LRIF1: variants seen among roughly 807,000 people sequenced by gnomAD.
The protein encoded by LRIF1 is ligand dependent nuclear receptor interacting factor 1, also known as ligand-dependent nuclear receptor-interacting factor 1.
Under a neutral mutation model 52.7 loss-of-function variants are expected in LRIF1, and 32 were observed. The observed-to-expected ratio is 0.61, with a 90% CI of 0.46 to 0.82. The LOEUF (loss-of-function observed/expected upper bound fraction) is 0.82, where lower values mean the gene tolerates loss of function less well. LRIF1 is among the 40% of genes least tolerant of loss of function. The probability of loss-of-function intolerance (pLI) is 0.00; values close to 1 mark genes in which losing one functional copy is unlikely to be tolerated. For missense variants in LRIF1, 887 were observed against 892.0 expected (o/e 0.99, Z 0.07); for synonymous variants, 323 against 317.4 (o/e 1.02, Z -0.19).
chr1:110,893,286 C>A, the LRIF1 span, among the ~76,000 whole-genome samples: 1 of 152,090 alleles, frequency 6.6e-6, no homozygotes, highest in African/African-American at 2.4e-5. Context: ...CATTATGGTT[C>A]AACATTTTGG....
chr1:110,896,758 T>C, the LRIF1 span: 2 of 1,589,390 alleles, frequency 1.3e-6, no homozygotes, highest in Non-Finnish European at 1.7e-6. Context: ...AATGTTTCTG[T>C]TATTGACCTC....
the LRIF1 span, among the ~76,000 whole-genome samples, chr1:110,920,208 T>TTGAAAACC: frequency 7.2e-5 from 11 of 152,178 alleles, no homozygotes; most frequent in Non-Finnish European, 1.6e-4. Flanking sequence ...CCCAAAAGAA[T>TTGAAAACC]TGAAAACCTA....
At chr1:110,892,758 TA>T in the LRIF1 span, 1 of 476,492 alleles carries the variant, frequency 2.1e-6, no homozygotes, top group African/African-American at 2.0e-5. Flanking sequence ...TAGCCATTTT[TA>T]TATTGCTAAT....
chr1:110,938,562 A>G, the LRIF1 span: 1 of 152,352 alleles, frequency 6.6e-6, no homozygotes, highest in East Asian at 1.9e-4. Context: ...ACACTTCAAC[A>G]TTTAAAAAAG....
At chr1:110,945,661 A>G (rs1306107094), downstream of LRIF1, among the ~76,000 whole-genome samples, 1 of 152,200 alleles carries the variant, frequency 6.6e-6, no homozygotes, top group East Asian at 1.9e-4. Flanking sequence ...TCCTTACCTC[A>G]GGTGATCTGC....
chr1:110,904,794 A>G, the LRIF1 span, among the ~76,000 whole-genome samples: 172 of 152,330 alleles, frequency 1.1e-3, no homozygotes, highest in African/African-American at 3.9e-3. Flanking sequence ...AAAAAACTAA[A>G]GAAGGCAGCA....
chr1:110,886,144 A>T, the LRIF1 span, among the ~76,000 whole-genome samples: 1 of 151,802 alleles, frequency 6.6e-6, no homozygotes, highest in Admixed American at 6.6e-5. Flanking sequence ...TAGTATGACA[A>T]TTTTTTTTCT....
chr1:110,916,960 A>AT, the LRIF1 span, among the ~76,000 whole-genome samples: 1 of 152,246 alleles, frequency 6.6e-6, no homozygotes, highest in Non-Finnish European at 1.5e-5. Context: ...GCCACAAGAC[A>AT]TATTTTCACA....
At chr1:110,890,974 A>C in the LRIF1 span, among the ~76,000 whole-genome samples, 1 of 152,276 alleles carries the variant, frequency 6.6e-6, no homozygotes, top group Non-Finnish European at 1.5e-5. Flanking sequence ...GTATTTAAGA[A>C]ACTGGCTGAT....
the LRIF1 span, chr1:110,897,901 T>G: frequency 6.5e-7 from 1 of 1,534,386 alleles, no homozygotes; most frequent in Non-Finnish European, 9.0e-7. Context: ...AGGTAAGAGC[T>G]TAACCACAGG....
chr1:110,903,446 A>G, the LRIF1 span, among the ~76,000 whole-genome samples: 2 of 152,198 alleles, frequency 1.3e-5, no homozygotes, highest in Non-Finnish European at 2.9e-5. Context: ...GCCACAGCAG[A>G]TAGGACACCG....
the LRIF1 span, among the ~76,000 whole-genome samples, chr1:110,934,711 A>G: frequency 6.6e-6 from 1 of 152,058 alleles, no homozygotes; most frequent in African/African-American, 2.4e-5. Context: ...AAGGTTTTTT[A>G]CCCTAGTCCC....
chr1:110,875,402 TGA>T, the LRIF1 span, among the ~76,000 whole-genome samples: 1 of 152,178 alleles, frequency 6.6e-6, no homozygotes, highest in South Asian at 2.1e-4. Context: ...GGGTTTGAAA[TGA>T]GGGAGAAGAG....
At chr1:110,949,667 G>A (rs991496787) in intron 3 of LRIF1, among the ~76,000 whole-genome samples, 184 bp downstream of exon 3, 3 of 152,212 alleles carry the variant, frequency 2.0e-5, no homozygotes, top group South Asian at 2.1e-4. Context: ...TGATCCACCC[G>A]CCTCAGCCTT....
Position 110,947,453 on chromosome 1 carries a change from T to C in LRIF1, c.*506A>G, listed in dbSNP as rs1283231720. On this transcript the variant is annotated 3_prime_UTR_variant, in exon 4 of 4. Coordinates refer to ENST00000369763, the MANE Select transcript of LRIF1 (RefSeq NM_018372.4). ...TTAAATAATGTTGCCATAATACATA[T>C]TATTTCACGACATTAAAAAAAACAA... The C allele has an allele frequency of 6.6e-6, 1 of 152,416 alleles. No individual in the cohort carries two copies. Among genetic ancestry groups the C allele is most frequent in the African/African-American group, 2.4e-5 (1 of 41,558 alleles). 9.4% of individuals were successfully genotyped at this position (152,416 alleles called of 1,614,324 possible).
At chr1:110,895,082 A>G in the LRIF1 span, 53 of 1,516,558 alleles carry the variant, frequency 3.5e-5, no homozygotes, top group Non-Finnish European at 4.7e-5. Context: ...TCCTCTTCAG[A>G]TCAGCCCAGA....
the LRIF1 span, chr1:110,897,731 C>T: frequency 6.0e-6 from 5 of 839,902 alleles, no homozygotes; most frequent in Non-Finnish European, 1.0e-5. Context: ...AAATGCAAAG[C>T]ACTGTATCTT....
At chr1:110,919,349 G>T in the LRIF1 span, among the ~76,000 whole-genome samples, 2 of 152,100 alleles carry the variant, frequency 1.3e-5, no homozygotes, top group Non-Finnish European at 1.5e-5. Context: ...ACTCGAAAAG[G>T]TGTGACTGGC....
At chr1:110,961,262 CTAT>C (rs1212625841) in intron 1 of LRIF1, among the ~76,000 whole-genome samples, 2 of 152,148 alleles carry the variant, frequency 1.3e-5, no homozygotes, top group East Asian at 3.8e-4. Context: ...AGCCCATATC[CTAT>C]TATTAATCAG....
Sources: gnomAD v4.1 joint callset for allele counts (sites outside exome capture counted in the v4.1 genomes callset) on GRCh38, gnomAD v4.1.1 for gene constraint, MANE v1.5 for transcripts, NCBI Gene and HGNC (gene_info 2026-07-23, HGNC 2026-07-21) for gene names.